Variants in GPHN observed in about 807,000 individuals in gnomAD.
GPHN encodes the protein gephyrin.
A neutral mutation model predicts 95.5 loss-of-function variants in GPHN; 17 were observed. The observed-to-expected ratio is 0.18, with a 90% CI of 0.12 to 0.27. The LOEUF (loss-of-function observed/expected upper bound fraction) is 0.27. GPHN is among the 10% of genes least tolerant of loss of function. The pLI is 1.00. For synonymous variants in GPHN, 320 were observed against 322.5 expected (o/e 0.99, Z 0.08); for missense variants, 660 against 978.1 (o/e 0.67, Z 4.34).
the GPHN span, among the ~76,000 whole-genome samples, chr14:67,707,396 C>G: frequency 6.6e-6 from 1 of 152,114 alleles, no homozygotes; most frequent in Non-Finnish European, 1.5e-5. Context: ...CTTTATTATA[C>G]TTGGCCTAAT....
intron 1 of GPHN, among the ~76,000 whole-genome samples, chr14:66,590,359 A>G (rs984842056): frequency 6.6e-6 from 1 of 152,208 alleles, no homozygotes; most frequent in Non-Finnish European, 1.5e-5. Context: ...CAAAAAATCA[A>G]TGAATCAGGA....
the GPHN span, among the ~76,000 whole-genome samples, chr14:67,488,309 C>T: frequency 3.3e-5 from 5 of 152,224 alleles, no homozygotes; most frequent in Admixed American, 6.5e-5. Context: ...GCCAGGCAGC[C>T]GAGGAGAAGT....
Position 67,123,367 on chromosome 14 carries a change from G to C in GPHN, c.1748+990G>C, listed in dbSNP as rs567554280. ...TGAACTTTATCTTAGGCTCACACTG[G>C]ACATAGTCTAACCTAAGCTTGTCCA... On this transcript the variant is annotated intron_variant, in intron 17 of 22. Transcript: ENST00000478722. Among the ~76,000 whole-genome samples the C allele has an allele frequency of 1.9e-4, 29 of 152,280 alleles. No homozygotes were observed. In the South Asian group the frequency reaches 6.0e-3, roughly 32 times the overall value.
the GPHN span, among the ~76,000 whole-genome samples, chr14:67,414,407 C>A: frequency 3.3e-5 from 5 of 152,202 alleles, no homozygotes; most frequent in Non-Finnish European, 7.3e-5. Context: ...ATGACATAAG[C>A]CCAACTCACC....
intron 4 of GPHN, among the ~76,000 whole-genome samples, chr14:66,876,810 A>G (rs139679135): frequency 1.0e-3 from 158 of 152,330 alleles, no homozygotes; most frequent in African/African-American, 3.7e-3. Flanking sequence ...GAATTCTACC[A>G]GAAGTACAAA....
chr14:67,124,343 T>C (rs748991932), intron 17 of GPHN, among the ~76,000 whole-genome samples: 3 of 151,310 alleles, frequency 2.0e-5, no homozygotes, highest in Non-Finnish European at 4.4e-5. Context: ...GAGGTGGAGG[T>C]TGCAGTGAGC....
the GPHN span, among the ~76,000 whole-genome samples, chr14:67,633,263 TTCTC>T: frequency 6.6e-6 from 1 of 152,156 alleles, no homozygotes; most frequent in Admixed American, 6.5e-5. Context: ...CCTTTGTAGG[TTCTC>T]TCTTTTTTTT....
chr14:67,532,976 G>A, the GPHN span, among the ~76,000 whole-genome samples: 1 of 152,096 alleles, frequency 6.6e-6, no homozygotes, highest in Admixed American at 6.5e-5. Context: ...AGAGCTCCGG[G>A]CCGGCGCCCG....
At chr14:66,764,851 A>G (rs2058903518) in intron 2 of GPHN, among the ~76,000 whole-genome samples, 1 of 152,154 alleles carries the variant, frequency 6.6e-6, no homozygotes, top group Non-Finnish European at 1.5e-5. Context: ...TTAAAGAATT[A>G]CTTGACTTTT....
chr14:67,284,448 C>A, the GPHN span, among the ~76,000 whole-genome samples: 1 of 94,540 alleles, frequency 1.1e-5, no homozygotes, highest in African/African-American at 8.0e-5. Flanking sequence ...AAAAAAACAG[C>A]TGGGCATGGT....
the GPHN span, among the ~76,000 whole-genome samples, chr14:67,273,265 C>G: frequency 1.3e-5 from 2 of 151,950 alleles, no homozygotes; most frequent in Admixed American, 6.6e-5. Context: ...ATCGCTCCCC[C>G]CTCCCACCTC....
intron 1 of GPHN, among the ~76,000 whole-genome samples, chr14:66,531,344 A>T (rs918334036): frequency 3.3e-5 from 5 of 152,154 alleles, no homozygotes; most frequent in Non-Finnish European, 5.9e-5. Flanking sequence ...CTGAGGCAGG[A>T]GAATCACTTG....
chr14:66,520,647 A>G (rs556208741), intron 1 of GPHN, among the ~76,000 whole-genome samples: 1 of 152,126 alleles, frequency 6.6e-6, no homozygotes, highest in Admixed American at 6.5e-5. Flanking sequence ...GAGAAGTTAT[A>G]GTAATAGTTT....
chr14:67,044,739 TC>T (rs2074905883), intron 10 of GPHN, among the ~76,000 whole-genome samples: 2 of 77,212 alleles, frequency 2.6e-5, no homozygotes, highest in Non-Finnish European at 3.8e-5. Context: ...AGTACCCCCT[TC>T]CTCCTCCTCC....
intron 9 of GPHN, among the ~76,000 whole-genome samples, chr14:66,980,344 T>C (rs2070571469): frequency 6.6e-6 from 1 of 152,210 alleles, no homozygotes; most frequent in Non-Finnish European, 1.5e-5. Context: ...TCCTGCTGGA[T>C]AGAAAATTTT....
chr14:67,439,541 CTTTCTTTCTTTCTTTCTT>C, the GPHN span, among the ~76,000 whole-genome samples: 6 of 133,502 alleles, frequency 4.5e-5, no homozygotes, highest in African/African-American at 1.5e-4. Flanking sequence ...TAGTTTCTTT[CTTTCTTTCTTTCTTTCTT>C]TCTTTCTTTC....
intron 1 of GPHN, among the ~76,000 whole-genome samples, chr14:66,601,045 T>C (rs1457221832): frequency 2.0e-5 from 3 of 152,134 alleles, no homozygotes; most frequent in East Asian, 3.9e-4. Context: ...AGCAATCCTA[T>C]GAGGTAGGTA....
At chr14:67,499,749 T>C in the GPHN span, among the ~76,000 whole-genome samples, 1 of 152,100 alleles carries the variant, frequency 6.6e-6, no homozygotes, top group East Asian at 1.9e-4. Flanking sequence ...TACTTATGGC[T>C]CAGACTCTGA....
At chr14:66,981,161 T>G (rs909748715) in intron 9 of GPHN, among the ~76,000 whole-genome samples, 1 of 152,232 alleles carries the variant, frequency 6.6e-6, no homozygotes, top group African/African-American at 2.4e-5. Flanking sequence ...TTTGCAACTT[T>G]CCTTGACCTT....
Sources: allele counts gnomAD v4.1 joint callset (sites outside exome capture counted in the v4.1 genomes callset), GRCh38; gene constraint gnomAD v4.1.1; transcripts MANE v1.5; gene names NCBI Gene and HGNC (gene_info 2026-07-23, HGNC 2026-07-21).